Variants in TTLL10 observed in about 807,000 individuals in gnomAD.
TTLL10 encodes the protein inactive polyglycylase TTLL10.
TTLL10 carries 61 observed loss-of-function variants against 69.0 expected under a neutral mutation model. That is an observed-to-expected ratio of 0.88 (90% CI 0.72 to 1.09). The LOEUF is 1.09. Ranked by LOEUF, TTLL10 falls within the 50% of genes least tolerant of loss-of-function variation. TTLL10 has a pLI of 0.00. For synonymous variants in TTLL10, 408 were observed against 393.3 expected, an observed-to-expected ratio of 1.04 and a Z score of -0.44; for missense variants, 962 against 945.9, an observed-to-expected ratio of 1.02 and a Z score of -0.22.
intron 3 of TTLL10, among the ~76,000 whole-genome samples, chr1:1,178,554 T>G (rs1293037126): frequency 1.4e-5 from 2 of 144,460 alleles, no homozygotes; most frequent in Non-Finnish European, 1.5e-5. Context: ...AGAATGAAGC[T>G]CCGTCTCAAA....
Position 1,182,864 on chromosome 1 carries a change from C to CGCTCTCTG in TTLL10, c.917-11_917-4dup. ...GGGGCGAGGCCAGGGGCTCAGGCCG[C>CGCTCTCTG]GCTCTCTGCAGAAACCCAGATATGG... On this transcript the variant is annotated splice_polypyrimidine_tract_variant and intron_variant, in intron 10 of 15. Transcript: ENST00000379289. The CGCTCTCTG allele has an allele frequency of 6.4e-7, 1 of 1,555,426 alleles. No homozygotes were observed. The highest frequency in any genetic ancestry group is 8.7e-7 in the Non-Finnish European group (1 of 1,147,878).
chr1:1,175,969 C>T (rs1206648834), intron 3 of TTLL10: 10 of 435,754 alleles, frequency 2.3e-5, no homozygotes, highest in Non-Finnish European at 4.5e-5. Context: ...TGGAAAGAGG[C>T]TGACGCTGTG....
rs1410850412 is a variant in TTLL10 at position 1,181,319 on chromosome 1, G to A, written c.756-422G>A. Reference sequence around the variant, plus strand: ...TCCCACACCGTGCCCACCGTCACCTGTGGGTGCCCTGAGTGAGGCCGTCCA... The same window carrying A: ...TCCCACACCGTGCCCACCGTCACCTATGGGTGCCCTGAGTGAGGCCGTCCA... On this transcript the variant is annotated intron_variant, in intron 8 of 15. Coordinates refer to ENST00000379289, the MANE Select transcript of TTLL10 (RefSeq NM_001130045.2). This position sits in a 1 kb window ranked among gnomAD's most constrained non-coding sequence, Gnocchi z 4.6. Among the ~76,000 whole-genome samples, 1 of 151,792 alleles carries A rather than the reference G, an allele frequency of 6.6e-6. No homozygotes were observed. The highest frequency in any genetic ancestry group is 1.5e-5 in the Non-Finnish European group (1 of 67,942).
At chr1:1,194,403 T>G (rs1648050589) in intron 13 of TTLL10, among the ~76,000 whole-genome samples, 1 of 152,356 alleles carries the variant, frequency 6.6e-6, no homozygotes, top group Non-Finnish European at 1.5e-5. Flanking sequence ...AAAATACATG[T>G]ATGCTGTCTC....
Position 1,185,700 on chromosome 1 carries a change from A to G in TTLL10, c.1401+591A>G. On this transcript the variant is annotated intron_variant, in intron 13 of 15. Coordinates refer to ENST00000379289, the MANE Select transcript of TTLL10 (RefSeq NM_001130045.2). The surrounding 1 kb of genome is among the most constrained non-coding windows in gnomAD (Gnocchi z 6.1). ...TTTATCTGTCTTGGTCACCCCGGCC[A>G]GGCCCCGGAAGCAGCAGCCAGGGAT... 1.0e-6 allele frequency: 1 copy of G among 985,534 alleles called. No homozygotes were observed. Among genetic ancestry groups the G allele is most frequent in the Non-Finnish European group, 1.2e-6 (1 of 829,994 alleles). 61.0% of individuals were successfully genotyped at this position (985,534 alleles called of 1,614,324 possible).
intron 3 of TTLL10, chr1:1,175,240 T>TA (rs1300785055): frequency 5.3e-6 from 1 of 188,118 alleles, no homozygotes; most frequent in Non-Finnish European, 1.0e-5. Context: ...GCCTCAGGCT[T>TA]ACGATGAAAT....
intron 13 of TTLL10, among the ~76,000 whole-genome samples, chr1:1,187,135 C>T (rs186631760): frequency 9.9e-5 from 15 of 152,112 alleles, no homozygotes; most frequent in Admixed American, 3.3e-4. Context: ...TGTGAGCCAC[C>T]GCGCCCGGCC....
At chr1:1,190,820 T>A (rs1647716792) in intron 13 of TTLL10, among the ~76,000 whole-genome samples, 1 of 152,100 alleles carries the variant, frequency 6.6e-6, no homozygotes, top group Non-Finnish European at 1.5e-5. Flanking sequence ...AAAGTATTTT[T>A]ATTTTTATTT....
At chr1:1,196,412 G>A (rs1240013218) in intron 13 of TTLL10, 188 bp from the exon 14 acceptor site, 10 of 593,084 alleles carry the variant, frequency 1.7e-5, no homozygotes, top group Middle Eastern at 4.6e-4. Context: ...GGAGCTGCAC[G>A]AGTTTGTTGA....
chr1:1,182,704 C>T (rs994801486), intron 10 of TTLL10, among the ~76,000 whole-genome samples, 172 bp from the exon 11 acceptor site: 2 of 151,640 alleles, frequency 1.3e-5, no homozygotes, highest in Non-Finnish European at 2.9e-5. Context: ...TCCGGGTGAG[C>T]GTGGTCGAGG....
At chr1:1,176,304 GCTGTGCAGGTGGAGAGAGGCTGACA>G (rs1373799986) in intron 3 of TTLL10, 9 of 419,854 alleles carry the variant, frequency 2.1e-5, no homozygotes, top group South Asian at 3.3e-5. Context: ...GCTCCCAGCC[GCTGTGCAGGTGGAGAGAGGCTGACA>G]CTGTGCAGGT....
In TTLL10 at chr1:1,186,514, T is replaced by C. The variant is rs79250449; in HGVS notation, c.1401+1405T>C. ...CTATAAATATTCACACAAAAATGTT[T>C]GTATGAATATATATTTTCAGTGCTC... On this transcript the variant is annotated intron_variant, in intron 13 of 15. Transcript: ENST00000379289. Among the ~76,000 whole-genome samples the C allele has an allele frequency of 7.9e-3, 1,197 of 152,322 alleles. 14 individuals are homozygous for C. The highest frequency in any genetic ancestry group is 0.027 in the African/African-American group (1,107 of 41,560).
Position 1,180,143 on chromosome 1 carries a change from G to A in TTLL10, c.309G>A (p.Gly103=), listed in dbSNP as rs772461563. 22 of 1,610,968 alleles carry A rather than the reference G, an allele frequency of 1.4e-5. No homozygotes were observed. Among genetic ancestry groups the A allele is most frequent in the Admixed American group, 6.7e-5 (4 of 59,770 alleles). ...ADGHCGPDLE[G]AERASATPGP... is the part of the protein sequence containing the mutation. ...GACACTGTGGGCCGGACCTGGAGGG[G>A]GCAGAAAGAGCCTCTGCCACACCCG... The change falls in exon 6 of 16, where the codon GGG becomes GGA. Residue 103 remains glycine (G), a synonymous_variant. Coordinates refer to ENST00000379289, the MANE Select transcript of TTLL10 (RefSeq NM_001130045.2).
chr1:1,196,475 G>A (rs1418409575), intron 13 of TTLL10, 125 bp from the exon 14 acceptor site: 1 of 699,528 alleles, frequency 1.4e-6, no homozygotes, highest in Non-Finnish European at 2.5e-6. Flanking sequence ...GTGTGGGCAG[G>A]TGTGGCTGTA....
At chr1:1,196,434 G>A (rs891053088) in intron 13 of TTLL10, 166 bp from the exon 14 acceptor site, 31 of 613,658 alleles carry the variant, frequency 5.1e-5, no homozygotes, top group African/African-American at 4.9e-4. Flanking sequence ...TGAGTTTCTG[G>A]CTGTGAACCT....
rs1217565834 is a variant in TTLL10, at chr1:1,181,774, G to A, written c.789G>A (p.Glu263=). Residue 263 remains glutamate, a synonymous_variant, in exon 9 of 16, where the codon GAG becomes GAA. Transcript: ENST00000379289. The surrounding 1 kb of genome is among the most constrained non-coding windows in gnomAD (Gnocchi z 4.6). ...LEKDAAAPAL[E]DLPWTSPGYL... Reference sequence around the variant, plus strand: ...AGGACGCAGCAGCGCCCGCCCTGGAGGACCTCCCGTGGACAAGCCCAGGAT... The same window carrying A: ...AGGACGCAGCAGCGCCCGCCCTGGAAGACCTCCCGTGGACAAGCCCAGGAT... 6.2e-7 allele frequency: 1 copy of A among 1,609,040 alleles called. No individual in the cohort carries two copies.
Position 1,185,484 on chromosome 1 carries a change from G to T in TTLL10, c.1401+375G>T. 1 of 1,074,852 alleles carries T rather than the reference G, an allele frequency of 9.3e-7. No individual in the cohort carries two copies. Among genetic ancestry groups the T allele is most frequent in the South Asian group, 3.4e-5 (1 of 29,048 alleles). 66.6% of individuals were successfully genotyped at this position (1,074,852 alleles called of 1,614,324 possible). On this transcript the variant is annotated intron_variant, in intron 13 of 15. Transcript: ENST00000379289. The surrounding 1 kb of genome is among the most constrained non-coding windows in gnomAD (Gnocchi z 6.1). ...CAGCAGCCCCCGGGCCAGGTGTCCT[G>T]GAGCAGCAGCAGCTGCCCGTGCAGG...
rs1302270544 is a variant in TTLL10, at chr1:1,184,017, C to T, written c.1186C>T (p.His396Tyr). 1 of 1,614,176 alleles carries T rather than the reference C, an allele frequency of 6.2e-7. No individual in the cohort carries two copies. The highest frequency in any genetic ancestry group is 1.7e-5 in the Admixed American group (1 of 60,022). The change falls in exon 12 of 16, where the codon CAC becomes TAC. Residue 396 changes from histidine (H) to tyrosine (Y), a missense_variant. By Grantham distance (83) the His-to-Tyr change is moderately conservative. Transcript: ENST00000379289. ...CTTPYMIFFG[H>Y]GYARLTLSLY... ...CACACCCTACATGATCTTCTTTGGC[C>T]ACGGCTATGCTCGCCTCACCCTTAG...
At chr1:1,183,589 C>A (rs554418738) in intron 11 of TTLL10, among the ~76,000 whole-genome samples, 2 of 152,228 alleles carry the variant, frequency 1.3e-5, no homozygotes, top group South Asian at 4.1e-4. Context: ...GCCTGGCGCA[C>A]CCCCTCTGCC....
Sources: allele counts gnomAD v4.1 joint callset (sites outside exome capture counted in the v4.1 genomes callset), GRCh38; gene constraint gnomAD v4.1.1; non-coding constraint Gnocchi (gnomAD v3.1); transcripts MANE v1.5; gene names NCBI Gene and HGNC (gene_info 2026-07-23, HGNC 2026-07-21).